DAB1: variants seen among roughly 807,000 people sequenced by gnomAD.
DAB1 encodes the protein disabled homolog 1.
DAB1 carries 15 observed loss-of-function variants against 64.6 expected under a neutral mutation model. The observed-to-expected ratio is 0.23, with a 90% CI of 0.16 to 0.36. DAB1 has a LOEUF of 0.36. Ranked by LOEUF, DAB1 falls within the 10% of genes least tolerant of loss-of-function variation. DAB1 has a pLI of 1.00. For synonymous variants in DAB1, 235 were observed against 251.9 expected (o/e 0.93, Z 0.64); for missense variants, 596 against 706.7 (o/e 0.84, Z 1.78).
intron 3 of DAB1, among the ~76,000 whole-genome samples, chr1:58,372,676 C>T (rs1003554900): frequency 4.6e-5 from 7 of 152,284 alleles, no homozygotes; most frequent in South Asian, 4.1e-4. Context: ...CCCCACATGC[C>T]GAGGGAGGAA....
upstream of DAB1, among the ~76,000 whole-genome samples, chr1:57,424,529 A>G (rs1320223343): frequency 6.6e-6 from 1 of 152,120 alleles, no homozygotes; most frequent in Admixed American, 6.5e-5. Context: ...TTTCTCCCCC[A>G]TCACCACCAC....
chr1:58,306,694 C>T (rs1305408400), intron 4 of DAB1, among the ~76,000 whole-genome samples: 3 of 152,176 alleles, frequency 2.0e-5, no homozygotes, highest in Admixed American at 6.5e-5. Flanking sequence ...CTGCTTCCAG[C>T]TCATCTCTAG....
chr1:58,384,968 C>T (rs1050335241), intron 3 of DAB1, among the ~76,000 whole-genome samples: 3 of 152,168 alleles, frequency 2.0e-5, no homozygotes, highest in Admixed American at 6.5e-5. Flanking sequence ...TGTTAATCTC[C>T]TTTGGAAACA....
At chr1:57,831,059 GC>G (rs1652562324) in intron 1 of DAB1, among the ~76,000 whole-genome samples, 1 of 152,060 alleles carries the variant, frequency 6.6e-6, no homozygotes, top group Non-Finnish European at 1.5e-5. Flanking sequence ...GACTACAGGC[GC>G]CCGCCACCAT....
intron 1 of DAB1, among the ~76,000 whole-genome samples, chr1:57,313,555 G>A (rs888013060): frequency 2.6e-5 from 4 of 152,102 alleles, no homozygotes; most frequent in Non-Finnish European, 4.4e-5. Flanking sequence ...CCCCGGTCTG[G>A]CCATAGTTTC....
intron 4 of DAB1, among the ~76,000 whole-genome samples, chr1:57,123,293 T>A (rs1656832497): frequency 6.6e-6 from 1 of 152,130 alleles, no homozygotes; most frequent in Non-Finnish European, 1.5e-5. Flanking sequence ...TCCTTTGGCG[T>A]CATTCAGATT....
chr1:58,491,667 A>G (rs1157377539), intron 3 of DAB1, among the ~76,000 whole-genome samples: 1 of 152,226 alleles, frequency 6.6e-6, no homozygotes, highest in African/African-American at 2.4e-5. Flanking sequence ...AGAGACAAAG[A>G]AGGCCACTAC....
At chr1:57,061,228 T>TG (rs5774326) in intron 9 of DAB1, among the ~76,000 whole-genome samples, 6,614 of 114,038 alleles carry the variant, frequency 0.058, 245 homozygotes, top group Non-Finnish European at 0.069. Context: ...CATATTTAGA[T>TG]GGGGGGGGGG....
intron 6 of DAB1, among the ~76,000 whole-genome samples, chr1:57,695,401 AAAGAAAG>A (rs1348004756): frequency 1.1e-5 from 1 of 89,758 alleles, no homozygotes; most frequent in Non-Finnish European, 2.4e-5. Flanking sequence ...AGAAAGAAAG[AAAGAAAG>A]AAAGAAAGAA....
At chr1:57,507,223 A>G (rs1258759377) in intron 7 of DAB1, among the ~76,000 whole-genome samples, 1 of 152,042 alleles carries the variant, frequency 6.6e-6, no homozygotes, top group East Asian at 1.9e-4. Context: ...TGAATTTCCT[A>G]TTCCAGCCAG....
At chr1:57,159,856 C>CAAAAAAAAAAAAAAAAAAAAAAAA (rs398049302) in intron 2 of DAB1, among the ~76,000 whole-genome samples, 3 of 86,346 alleles carry the variant, frequency 3.5e-5, no homozygotes, top group African/African-American at 4.2e-5. Flanking sequence ...AGCAGCAAGA[C>CAAAAAAAAAAAAAAAAAAAAAAAA]AAAAAAAAAA....
chr1:58,072,473 A>G (rs1389156538), intron 5 of DAB1, among the ~76,000 whole-genome samples: 2 of 152,110 alleles, frequency 1.3e-5, no homozygotes, highest in African/African-American at 4.8e-5. Context: ...GGATTGCTTA[A>G]TTTTTCCAAT....
chr1:57,633,862 G>A (rs937399997), intron 7 of DAB1, among the ~76,000 whole-genome samples: 1 of 152,114 alleles, frequency 6.6e-6, no homozygotes, highest in Non-Finnish European at 1.5e-5. Flanking sequence ...ACCTAACCTG[G>A]GAGTGACTGA....
chr1:58,417,453 T>C (rs1216150816), intron 3 of DAB1, among the ~76,000 whole-genome samples: 1 of 152,214 alleles, frequency 6.6e-6, no homozygotes, highest in African/African-American at 2.4e-5. Context: ...TTTGGCTCAC[T>C]AGCTGGCCCC....
At chr1:57,098,142 T>C (rs960865479) in intron 4 of DAB1, among the ~76,000 whole-genome samples, 1 of 152,174 alleles carries the variant, frequency 6.6e-6, no homozygotes, top group Non-Finnish European at 1.5e-5. Context: ...ACCTCCAACC[T>C]AAGGTGGGAA....
intron 7 of DAB1, among the ~76,000 whole-genome samples, chr1:57,429,397 A>T (rs1685415875): frequency 6.6e-6 from 1 of 152,160 alleles, no homozygotes; most frequent in Non-Finnish European, 1.5e-5. Flanking sequence ...TTAACCCCTT[A>T]TCAGATACAT....
intron 5 of DAB1, among the ~76,000 whole-genome samples, chr1:57,889,904 G>GC (rs1309187401): frequency 1.5e-5 from 2 of 131,386 alleles, no homozygotes; most frequent in African/African-American, 2.9e-5. Flanking sequence ...TGGGGCGGGG[G>GC]GGGGGGAGGG....
intron 7 of DAB1, among the ~76,000 whole-genome samples, chr1:57,445,781 C>T (rs1316597249): frequency 6.6e-6 from 1 of 152,116 alleles, no homozygotes; most frequent in African/African-American, 2.4e-5. Flanking sequence ...TATTAAAACG[C>T]ATAGAATAAA....
intron 7 of DAB1, among the ~76,000 whole-genome samples, chr1:57,443,319 G>A (rs1161695738): frequency 6.6e-6 from 1 of 152,178 alleles, no homozygotes; most frequent in African/African-American, 2.4e-5. Flanking sequence ...AGGACCATGA[G>A]AAACAAAGGA....
Sources: gnomAD v4.1 joint callset for allele counts (sites outside exome capture counted in the v4.1 genomes callset) on GRCh38, gnomAD v4.1.1 for gene constraint, MANE v1.5 for transcripts, NCBI Gene and HGNC (gene_info 2026-07-23, HGNC 2026-07-21) for gene names.